Variants in NRG1 observed in about 807,000 individuals in gnomAD.
NRG1 encodes pro-neuregulin-1, membrane-bound isoform.
A neutral mutation model predicts 63.8 loss-of-function variants in NRG1; 18 were observed. The observed-to-expected ratio is 0.28, with a 90% confidence interval of 0.19 to 0.42. The LOEUF (loss-of-function observed/expected upper bound fraction) is 0.42. Among genes scored for constraint, NRG1 ranks in the 10% least tolerant of loss-of-function variants. The probability of loss-of-function intolerance (pLI) is 1.00; values close to 1 mark genes in which losing one functional copy is unlikely to be tolerated. For synonymous variants in NRG1, 302 were observed against 301.3 expected (o/e 1.00, Z -0.02); for missense variants, 762 against 814.7 (o/e 0.94, Z 0.79).
intron 1 of NRG1, among the ~76,000 whole-genome samples, chr8:32,007,698 TA>T (rs1254500508): frequency 6.6e-6 from 1 of 152,068 alleles, no homozygotes; most frequent in Non-Finnish European, 1.5e-5. Flanking sequence ...ATGTCAATTC[TA>T]TAGGGTTTGC....
chr8:31,648,280 C>T (rs1443360881), intron 1 of NRG1, among the ~76,000 whole-genome samples: 5 of 151,734 alleles, frequency 3.3e-5, no homozygotes, highest in East Asian at 1.9e-4. Context: ...ACTACAGGCG[C>T]GCGCCACCAT....
At chr8:31,939,401 G>T (rs1202975686) in intron 1 of NRG1, among the ~76,000 whole-genome samples, 1 of 151,988 alleles carries the variant, frequency 6.6e-6, no homozygotes, top group African/African-American at 2.4e-5. Context: ...TACAAGAACT[G>T]CTGAAAGGAG....
At chr8:32,474,690 G>T (rs1317114952) in intron 1 of NRG1, among the ~76,000 whole-genome samples, 1 of 151,802 alleles carries the variant, frequency 6.6e-6, no homozygotes, top group African/African-American at 2.4e-5. Flanking sequence ...TTTTTTAGTA[G>T]AGGTGGGGTT....
chr8:32,371,030 G>A (rs1395340260), intron 1 of NRG1, among the ~76,000 whole-genome samples: 2 of 151,998 alleles, frequency 1.3e-5, no homozygotes, highest in Admixed American at 6.5e-5. Flanking sequence ...TGGCCAACAT[G>A]GTGAAACCCT....
At chr8:32,490,567 T>C (rs879882152) in intron 1 of NRG1, among the ~76,000 whole-genome samples, 9 of 152,112 alleles carry the variant, frequency 5.9e-5, no homozygotes, top group Admixed American at 2.0e-4. Context: ...TCTATTGGTA[T>C]CATTGGTATT....
chr8:32,720,323 G>A (rs1013954312), intron 5 of NRG1, among the ~76,000 whole-genome samples: 3 of 152,104 alleles, frequency 2.0e-5, no homozygotes, highest in Non-Finnish European at 2.9e-5. Context: ...GGTAGAAAAT[G>A]CAGAGTATAG....
chr8:32,242,002 C>A (rs561870786), intron 1 of NRG1, among the ~76,000 whole-genome samples: 1 of 152,158 alleles, frequency 6.6e-6, no homozygotes, highest in Non-Finnish European at 1.5e-5. Context: ...ATCCTTCAGA[C>A]TTGTCCTCCT....
Position 32,331,658 on chromosome 8 carries a change from C to G in NRG1, c.38-264170C>G, listed in dbSNP as rs566779268. ...ATATGCCCTGGGGATCTTTACATCA[C>G]AATGCAAATAAATGTTGAGTTAACC... is the stretch of plus-strand genomic sequence containing the variant. On this transcript the variant is annotated intron_variant, in intron 1 of 10. Transcript: ENST00000519301. Among the ~76,000 whole-genome samples the G allele has an allele frequency of 2.0e-5, 3 of 152,240 alleles. No individual in the cohort carries two copies. The South Asian group carries it at 6.2e-4, about 32-fold the overall frequency.
intron 2 of NRG1, among the ~76,000 whole-genome samples, chr8:32,604,546 A>G (rs1037122050): frequency 4.6e-5 from 7 of 152,230 alleles, no homozygotes; most frequent in Non-Finnish European, 8.8e-5. Context: ...ACCAGGCTAG[A>G]GCATAGAAGG....
At chr8:32,193,162 T>A (rs1441770055) in intron 1 of NRG1, among the ~76,000 whole-genome samples, 1 of 152,190 alleles carries the variant, frequency 6.6e-6, no homozygotes, top group Admixed American at 6.6e-5. Flanking sequence ...TCATTTGAGG[T>A]ACTTTTTCAG....
intron 1 of NRG1, among the ~76,000 whole-genome samples, chr8:32,109,368 T>C (rs999113856): frequency 4.6e-5 from 7 of 152,202 alleles, no homozygotes; most frequent in African/African-American, 1.7e-4. Flanking sequence ...AGGAAAAGCT[T>C]ATTAAACAGA....
intron 1 of NRG1, among the ~76,000 whole-genome samples, chr8:32,592,120 C>G (rs1391789180): frequency 6.7e-6 from 1 of 149,252 alleles, no homozygotes; most frequent in Non-Finnish European, 1.5e-5. Flanking sequence ...TTTTTTTTTC[C>G]TCTGTATGTG....
chr8:32,389,763 T>TC (rs1811480121), intron 1 of NRG1, among the ~76,000 whole-genome samples: 1 of 10,200 alleles, frequency 9.8e-5, no homozygotes. Context: ...TTCTTTCTTT[T>TC]TTTTTTTTTT....
In NRG1 at chr8:32,742,000, C is replaced by T. The variant is rs1049577110; in HGVS notation, c.633-675C>T. On this transcript the variant is annotated intron_variant, in intron 6 of 11. Coordinates refer to ENST00000356819, the Ensembl canonical transcript of NRG1. Reference sequence around the variant, plus strand: ...TTTTTTTTTGCTTACCACATTTTTGCCCTCTAGGTGCCAACCTGGATTCAC... The same window carrying T: ...TTTTTTTTTGCTTACCACATTTTTGTCCTCTAGGTGCCAACCTGGATTCAC... The T allele has an allele frequency of 6.2e-7, 1 of 1,610,688 alleles. No homozygotes were observed. The highest frequency in any genetic ancestry group is 8.5e-7 in the Non-Finnish European group (1 of 1,178,012).
intron 1 of NRG1, among the ~76,000 whole-genome samples, chr8:32,238,497 A>G (rs1373514941): frequency 1.3e-5 from 2 of 152,008 alleles, no homozygotes; most frequent in Non-Finnish European, 2.9e-5. Context: ...CTCTATCAGC[A>G]TAGTGTCACC....
chr8:32,488,375 A>G (rs1157531129), intron 1 of NRG1, among the ~76,000 whole-genome samples: 1 of 152,210 alleles, frequency 6.6e-6, no homozygotes, highest in African/African-American at 2.4e-5. Context: ...TTTCTCTTAG[A>G]ATTGTGATGG....
chr8:32,485,906 A>T (rs1825836086), intron 1 of NRG1, among the ~76,000 whole-genome samples: 3 of 152,160 alleles, frequency 2.0e-5, no homozygotes, highest in South Asian at 4.2e-4. Flanking sequence ...ATATTTCCCC[A>T]ATTTGCACTT....
intron 1 of NRG1, among the ~76,000 whole-genome samples, chr8:32,289,312 C>G: frequency 6.6e-6 from 1 of 152,056 alleles, no homozygotes; most frequent in East Asian, 1.9e-4. Flanking sequence ...CTATTGCTGT[C>G]CTACAGAGCA....
chr8:32,702,253 C>G (rs552453717), intron 5 of NRG1, among the ~76,000 whole-genome samples: 13 of 152,184 alleles, frequency 8.5e-5, no homozygotes, highest in Admixed American at 8.5e-4. Flanking sequence ...GGACATCACT[C>G]TCATGTATTT....
Sources: allele counts gnomAD v4.1 joint callset (sites outside exome capture counted in the v4.1 genomes callset), GRCh38; gene constraint gnomAD v4.1.1; transcripts MANE v1.5; gene names NCBI Gene and HGNC (gene_info 2026-07-23, HGNC 2026-07-21).